FAM107A: variants seen among roughly 807,000 people sequenced by gnomAD.
The protein encoded by FAM107A is family with sequence similarity 107 member A.
A neutral mutation model predicts 13.7 loss-of-function variants in FAM107A; 19 were observed. That is an observed-to-expected ratio of 1.38 (90% CI 0.97 to 2.03). The LOEUF (loss-of-function observed/expected upper bound fraction) is 2.03. FAM107A is among the 30% of genes most tolerant of loss of function. The pLI, the probability that FAM107A is intolerant of heterozygous loss-of-function variation, is 0.00. For missense variants in FAM107A, 203 were observed against 184.4 expected (o/e 1.10, Z -0.58); for synonymous variants, 82 against 74.5 (o/e 1.10, Z -0.52).
upstream of FAM107A, among the ~76,000 whole-genome samples, chr3:58,588,436 T>G (rs570326737): frequency 3.9e-5 from 6 of 152,276 alleles, no homozygotes; most frequent in African/African-American, 1.4e-4. Context: ...ACCTCTCTGC[T>G]CCCCAGACAC....
upstream of FAM107A, chr3:58,587,132 G>A: frequency 7.4e-7 from 1 of 1,356,112 alleles, no homozygotes; most frequent in Non-Finnish European, 9.4e-7. Flanking sequence ...GCAGGGGCCA[G>A]GGCAGGTGTC....
intron 1 of FAM107A, among the ~76,000 whole-genome samples, chr3:58,599,326 AG>A (rs1212648761): frequency 4.6e-5 from 7 of 152,200 alleles, no homozygotes; most frequent in Non-Finnish European, 8.8e-5. Flanking sequence ...ATATTTCTCT[AG>A]GGCAGACACT....
At chr3:58,585,873 G>T (rs1332952844) in intron 1 of FAM107A, among the ~76,000 whole-genome samples, 1 of 152,118 alleles carries the variant, frequency 6.6e-6, no homozygotes, top group Non-Finnish European at 1.5e-5. Flanking sequence ...CATATATTAG[G>T]TTAACTTCAT....
At chr3:58,622,422 C>T (rs893948933) in intron 1 of FAM107A, among the ~76,000 whole-genome samples, 4 of 151,202 alleles carry the variant, frequency 2.6e-5, no homozygotes, top group African/African-American at 9.7e-5. Context: ...ACCTGGGTGA[C>T]AGGGCGAGAC....
exon 1 of FAM107A, chr3:58,586,982 G>A: frequency 1.3e-6 from 2 of 1,493,898 alleles, no homozygotes; most frequent in Non-Finnish European, 1.8e-6. Flanking sequence ...GGCCCCGCGA[G>A]CGCACAGCAG....
chr3:58,601,432 T>A (rs566774325), intron 1 of FAM107A, among the ~76,000 whole-genome samples: 9 of 152,380 alleles, frequency 5.9e-5, no homozygotes, highest in Admixed American at 5.2e-4. Flanking sequence ...TGTCACTCTA[T>A]GGCACATCGA....
rs1332640595 is a variant in FAM107A at position 58,569,160 on chromosome 3, AG to A, written c.170+530del. On this transcript the variant is annotated intron_variant, in intron 2 of 3. Coordinates refer to ENST00000360997, the MANE Select transcript of FAM107A (RefSeq NM_001076778.3). This position sits in a 1 kb window ranked among gnomAD's most constrained non-coding sequence, Gnocchi z 5.7. ...CCTGTTTCCTGTTCATTTACATATG[AG>A]GTTCCCTCTGCCATCCAGCACCCAC... 6.6e-6 allele frequency among the ~76,000 whole-genome samples: 1 copy of A among 152,150 alleles called. No individual in the cohort carries two copies. Among genetic ancestry groups the A allele is most frequent in the African/African-American group, 2.4e-5 (1 of 41,430 alleles).
At chr3:58,586,843 G>A (rs1435235962) in intron 1 of FAM107A, 2 of 1,522,922 alleles carry the variant, frequency 1.3e-6, no homozygotes, top group Admixed American at 2.0e-5. Flanking sequence ...CGAGGGTGGC[G>A]TTGCTCCCAC....
Position 58,566,273 on chromosome 3 carries a change from A to G in FAM107A, c.*315T>C, listed in dbSNP as rs2063619922. ...CCTGGGCAGAACAGAAGGCTTGTCA[A>G]GTCAGAGGGCCACCTCTTCCTCCTC... On this transcript the variant is annotated 3_prime_UTR_variant, in exon 4 of 4. Transcript: ENST00000360997. 1 of 291,960 alleles carries G rather than the reference A, an allele frequency of 3.4e-6. No individual in the cohort carries two copies. The highest frequency in any genetic ancestry group is 6.3e-6 in the Non-Finnish European group (1 of 158,806). 18.1% of individuals were successfully genotyped at this position (291,960 alleles called of 1,614,324 possible).
intron 1 of FAM107A, among the ~76,000 whole-genome samples, chr3:58,594,767 A>G (rs1184996437): frequency 6.6e-6 from 1 of 152,204 alleles, no homozygotes; most frequent in Non-Finnish European, 1.5e-5. Context: ...AGAGGACTGT[A>G]TATTTTCAAA....
At chr3:58,583,094 C>T (rs1343041050) in intron 1 of FAM107A, among the ~76,000 whole-genome samples, 5 of 152,132 alleles carry the variant, frequency 3.3e-5, no homozygotes, top group East Asian at 1.9e-4. Context: ...CCACTGTGCC[C>T]GGCCGAGCAT....
chr3:58,587,092 C>A (rs1004674951), exon 1 of FAM107A: 2 of 1,366,292 alleles, frequency 1.5e-6, no homozygotes, highest in Admixed American at 3.7e-5. Flanking sequence ...GAGGGGCGGG[C>A]GAGGAGACGC....
chr3:58,565,524 C>T lies in FAM107A; in HGVS notation c.*1064G>A, dbSNP rs950482716. ...AGAAATGCAGATTGGCAATCATGTA[C>T]ATCTCTGATTAAAACAACACTCACA... is the stretch of plus-strand genomic sequence containing the variant. On this transcript the variant is annotated 3_prime_UTR_variant, in exon 4 of 4. Transcript: ENST00000360997. 15 of 127,748 alleles carry T rather than the reference C, an allele frequency of 1.2e-4. No individual in the cohort carries two copies. Among genetic ancestry groups the T allele is most frequent in the African/African-American group, 4.3e-4 (15 of 35,260 alleles). The allele number at this position is 127,748 out of a possible 1,614,324, so 7.9% of individuals were successfully genotyped here.
In FAM107A at chr3:58,604,075, C is replaced by T. The variant is rs1203886088; in HGVS notation, c.-69-14806G>A. On this transcript the variant is annotated intron_variant, in intron 1 of 3. Coordinates refer to the FAM107A transcript ENST00000465970. The surrounding 1 kb of genome is among the most constrained non-coding windows in gnomAD (Gnocchi z 4.1). ...CCCTCCGCCTGCTCTCTGAGCTTCA[C>T]ACTAGCATGTCGGCTGATGAGCAGT... is the stretch of plus-strand genomic sequence containing the variant. 6.6e-6 allele frequency among the ~76,000 whole-genome samples: 1 copy of T among 152,136 alleles called. No homozygotes were observed. The highest frequency in any genetic ancestry group is 1.5e-5 in the Non-Finnish European group (1 of 68,032).
chr3:58,621,631 C>T (rs966981837), intron 1 of FAM107A, among the ~76,000 whole-genome samples: 2 of 152,198 alleles, frequency 1.3e-5, no homozygotes, highest in Non-Finnish European at 2.9e-5. Context: ...ACTGATAATA[C>T]TAAAGTGGGT....
chr3:58,625,550 C>A (rs1292224695), intron 1 of FAM107A, among the ~76,000 whole-genome samples: 1 of 152,184 alleles, frequency 6.6e-6, no homozygotes, highest in African/African-American at 2.4e-5. Context: ...GTACCTGGGG[C>A]CTGTAAGAGG....
chr3:58,574,074 C>T (rs910624907), intron 1 of FAM107A: 2 of 152,204 alleles, frequency 1.3e-5, no homozygotes, highest in East Asian at 3.8e-4. Context: ...TGGTTGGGTA[C>T]CTCACAGCAA....
rs2063614990 is a variant in FAM107A, at chr3:58,565,859, T to A, written c.*729A>T. 2 of 152,168 alleles carry A rather than the reference T, an allele frequency of 1.3e-5. No homozygotes were observed. The highest frequency in any genetic ancestry group is 2.1e-4 in the South Asian group (1 of 4,830). 9.4% of individuals were successfully genotyped at this position (152,168 alleles called of 1,614,324 possible). A position where few individuals can be genotyped will look rare whatever the true frequency, so the allele number is the denominator to read the frequency against. ...TGAGTTAGAAGCTGTATTAACAAGATCCCCAGTGATTTTTATGCACAATCA... is the reference window on the plus strand; with the variant it reads ...TGAGTTAGAAGCTGTATTAACAAGAACCCCAGTGATTTTTATGCACAATCA... On this transcript the variant is annotated 3_prime_UTR_variant, in exon 4 of 4. Transcript: ENST00000360997.
intron 1 of FAM107A, chr3:58,627,092 C>T (rs2066026150): frequency 1.6e-6 from 2 of 1,218,604 alleles, no homozygotes; most frequent in East Asian, 2.5e-5. Context: ...AAGGGGCTCC[C>T]GGGGCGAGGG....
Sources: allele counts gnomAD v4.1 joint callset (sites outside exome capture counted in the v4.1 genomes callset), GRCh38; gene constraint gnomAD v4.1.1; non-coding constraint Gnocchi (gnomAD v3.1); transcripts MANE v1.5; gene names NCBI Gene and HGNC (gene_info 2026-07-23, HGNC 2026-07-21).